The following GAS7 variants were observed in gnomAD, a reference collection of about 807,000 sequenced individuals.
The protein encoded by GAS7 is growth arrest specific 7.
GAS7 carries 28 observed loss-of-function variants against 71.1 expected under a neutral mutation model. That is an observed-to-expected ratio of 0.39 (90% CI 0.29 to 0.54). The LOEUF is 0.54. Ranked by LOEUF, GAS7 falls within the 20% of genes least tolerant of loss-of-function variation. GAS7 has a pLI of 0.62. For synonymous variants in GAS7, 258 were observed against 245.8 expected (o/e 1.05, Z -0.46); for missense variants, 436 against 627.8 (o/e 0.69, Z 3.27).
chr17:10,166,945 G>A (rs1186750975), intron 1 of GAS7, among the ~76,000 whole-genome samples: 2 of 151,822 alleles, frequency 1.3e-5, no homozygotes, highest in Admixed American at 1.3e-4. Flanking sequence ...CGAGCTGATG[G>A]GTGGAGACCC....
At chr17:10,178,702 C>CTTTTTTT (rs397857157) in intron 1 of GAS7, among the ~76,000 whole-genome samples, 663 of 34,608 alleles carry the variant, frequency 0.019, 182 homozygotes, top group Admixed American at 0.026. Context: ...CCCCCACCAC[C>CTTTTTTT]TTTTTTTTTT....
At chr17:9,925,736 C>A (rs2067978945) in intron 10 of GAS7, 137 bp from the exon 11 acceptor site, 1 of 898,828 alleles carries the variant, frequency 1.1e-6, no homozygotes, top group Non-Finnish European at 1.7e-6. Context: ...CCAGAGAGGC[C>A]CAGCAGCCAG....
rs879517796 is a variant in GAS7 at position 10,163,441 on chromosome 17, TA to T, written c.183+34766del. 3.6e-3 allele frequency among the ~76,000 whole-genome samples: 485 copies of T among 134,716 alleles called. 1 individual carries two copies. Among genetic ancestry groups the T allele is most frequent in the Middle Eastern group, 0.011 (3 of 270 alleles). The allele number at this position is 134,716 out of a possible 152,430, so 88.4% of individuals were successfully genotyped here. A position where few individuals can be genotyped will look rare whatever the true frequency, so the allele number is the denominator to read the frequency against. ...AGGCTGGGCCAAAAAATTTTTAATTTAAAAAAAAAAAAAAGAAAGGGAAACA... is the reference window on the plus strand; with the variant it reads ...AGGCTGGGCCAAAAAATTTTTAATTTAAAAAAAAAAAAAGAAAGGGAAACA... On this transcript the variant is annotated intron_variant, in intron 1 of 13. Coordinates refer to ENST00000432992, the MANE Select transcript of GAS7 (RefSeq NM_201433.2).
chr17:10,036,226 CT>C (rs934973199), intron 1 of GAS7, among the ~76,000 whole-genome samples: 195 of 146,228 alleles, frequency 1.3e-3, no homozygotes, highest in Middle Eastern at 3.6e-3. Flanking sequence ...TGACCCACGT[CT>C]TTTTTTTTTT....
chr17:10,099,636 A>G (rs902809863), intron 1 of GAS7, among the ~76,000 whole-genome samples: 2 of 152,164 alleles, frequency 1.3e-5, no homozygotes, highest in Admixed American at 1.3e-4. Context: ...GGCAAGGCAT[A>G]GCCAGATATA....
chr17:10,035,576 G>A (rs73269548), intron 1 of GAS7, among the ~76,000 whole-genome samples: 21,209 of 152,050 alleles, frequency 0.14, 1,575 homozygotes, highest in African/African-American at 0.17. Context: ...CAGGGAGGTG[G>A]GAGAGCATAT....
At chr17:9,939,409 G>A (rs981615542) in intron 8 of GAS7, among the ~76,000 whole-genome samples, 1 of 152,104 alleles carries the variant, frequency 6.6e-6, no homozygotes, top group Admixed American at 6.5e-5. Context: ...CAAGCCCACA[G>A]GAGAGAGCTC....
At position 9,951,557 on chromosome 17, in the gene GAS7, G is replaced by A. The variant is rs1236149733; in HGVS notation, c.526-4574C>T. Reference sequence around the variant, plus strand: ...GGATCACCTGAGGTCGGGAGTTGGAGACCAGCCTGACCCACATGGAGAAAC... The same window carrying A: ...GGATCACCTGAGGTCGGGAGTTGGAAACCAGCCTGACCCACATGGAGAAAC... On this transcript the variant is annotated intron_variant, in intron 5 of 13. Coordinates refer to ENST00000432992, the MANE Select transcript of GAS7 (RefSeq NM_201433.2). Among the ~76,000 whole-genome samples, 10 of 152,112 alleles carry A rather than the reference G, an allele frequency of 6.6e-5. No individual in the cohort carries two copies. The East Asian group carries it at 1.5e-3, about 23-fold the overall frequency.
chr17:10,190,400 TG>T lies in GAS7; in HGVS notation c.183+7807del, dbSNP rs570398196. ...GAGTTTGAGTCCAGCCTGACCAGCG[TG>T]GTGAAACCCCATCTCTATTAAAAAT... is the stretch of plus-strand genomic sequence containing the variant. On this transcript the variant is annotated intron_variant, in intron 1 of 13. Transcript: ENST00000432992. 3.3e-5 allele frequency among the ~76,000 whole-genome samples: 5 copies of T among 151,836 alleles called. No homozygotes were observed. The South Asian group carries it at 1.0e-3, about 32-fold the overall frequency.
At chr17:10,081,145 C>G (rs1025381412) in intron 1 of GAS7, among the ~76,000 whole-genome samples, 7 of 152,202 alleles carry the variant, frequency 4.6e-5, no homozygotes, top group African/African-American at 1.7e-4. Flanking sequence ...CCATATATGA[C>G]CTCACCATAA....
intron 1 of GAS7, among the ~76,000 whole-genome samples, chr17:10,173,172 G>A (rs2074347836): frequency 6.6e-6 from 1 of 152,146 alleles, no homozygotes; most frequent in Non-Finnish European, 1.5e-5. Flanking sequence ...CTGATGCTGG[G>A]GGCGGGCGAA....
At chr17:9,941,552 A>C (rs1567800963) in intron 7 of GAS7, among the ~76,000 whole-genome samples, 6 of 152,230 alleles carry the variant, frequency 3.9e-5, no homozygotes. Context: ...CTCTCCTGGC[A>C]CTAAAGGGCC....
chr17:10,124,482 C>G (rs920174390), intron 1 of GAS7, among the ~76,000 whole-genome samples: 1 of 152,268 alleles, frequency 6.6e-6, no homozygotes, highest in African/African-American at 2.4e-5. Flanking sequence ...GGGCTCTGGC[C>G]TGCCTAGCTC....
chr17:10,061,901 CA>C (rs1189897072), intron 1 of GAS7, among the ~76,000 whole-genome samples: 1 of 152,172 alleles, frequency 6.6e-6, no homozygotes, highest in Admixed American at 6.5e-5. Flanking sequence ...GCTTTTTCCC[CA>C]GGGGCCAATG....
chr17:9,921,958 CAA>C (rs35195748), intron 11 of GAS7, among the ~76,000 whole-genome samples: 530 of 89,144 alleles, frequency 5.9e-3, no homozygotes, highest in Non-Finnish European at 8.5e-3. Flanking sequence ...GACTCCATCT[CAA>C]AAAAAAAAAA....
intron 1 of GAS7, among the ~76,000 whole-genome samples, chr17:10,090,419 C>T (rs2073569705): frequency 6.6e-6 from 1 of 152,098 alleles, no homozygotes; most frequent in East Asian, 1.9e-4. Context: ...GATTTATACA[C>T]AAAAGGAGAT....
In GAS7 at chr17:9,926,912, G is replaced by C. The variant is rs1724614280; in HGVS notation, c.886-143C>G. 3 of 763,288 alleles carry C rather than the reference G, an allele frequency of 3.9e-6. No homozygotes were observed. Among genetic ancestry groups the C allele is most frequent in the Non-Finnish European group, 4.4e-6 (2 of 451,946 alleles). 47.3% of individuals were successfully genotyped at this position (763,288 alleles called of 1,614,324 possible). On this transcript the variant is annotated intron_variant, in intron 9 of 13. Transcript: ENST00000432992. The surrounding 1 kb of genome is among the most constrained non-coding windows in gnomAD (Gnocchi z 5.0). Reference sequence around the variant, plus strand: ...GTAGCGACCTGGCAGGAAGGTGAGAGACACCCCCTGACACGTGGCTGCCTA... The same window carrying C: ...GTAGCGACCTGGCAGGAAGGTGAGACACACCCCCTGACACGTGGCTGCCTA...
At chr17:10,193,653 T>C (rs1022984167) in intron 1 of GAS7, among the ~76,000 whole-genome samples, 3 of 152,150 alleles carry the variant, frequency 2.0e-5, no homozygotes, top group Non-Finnish European at 2.9e-5. Flanking sequence ...AGAAAGGCCA[T>C]GTGGAAAGGC....
intron 1 of GAS7, among the ~76,000 whole-genome samples, chr17:10,155,969 A>G (rs2074202155): frequency 6.6e-6 from 1 of 152,142 alleles, no homozygotes; most frequent in Non-Finnish European, 1.5e-5. Context: ...AGCAACCCTC[A>G]CCAAGAGTCA....
Sources: gnomAD v4.1 joint callset for allele counts (sites outside exome capture counted in the v4.1 genomes callset) on GRCh38, gnomAD v4.1.1 for gene constraint, Gnocchi (gnomAD v3.1) non-coding constraint, MANE v1.5 for transcripts, NCBI Gene and HGNC (gene_info 2026-07-23, HGNC 2026-07-21) for gene names.